The following NHSL1 variants were observed in gnomAD, a reference collection of about 807,000 sequenced individuals.
The protein encoded by NHSL1 is NHS-like protein 1.
NHSL1 carries 48 observed loss-of-function variants against 95.0 expected under a neutral mutation model. That is an observed-to-expected ratio of 0.51 (90% confidence interval 0.40 to 0.64). NHSL1 has a LOEUF of 0.64. Among genes scored for constraint, NHSL1 ranks in the 30% least tolerant of loss-of-function variants. The pLI, the probability that NHSL1 is intolerant of heterozygous loss-of-function variation, is 0.00. For synonymous variants in NHSL1, 783 were observed against 833.9 expected (o/e 0.94, Z 1.05); for missense variants, 1,971 against 2,077.7 (o/e 0.95, Z 1.00).
At chr6:138,488,443 T>C (rs1003700109) in intron 2 of NHSL1, among the ~76,000 whole-genome samples, 8 of 152,226 alleles carry the variant, frequency 5.3e-5, no homozygotes, top group Non-Finnish European at 1.0e-4. Flanking sequence ...TGTTTATCTT[T>C]CCTTCCCTTG....
At chr6:138,576,596 T>C (rs746356393), upstream of NHSL1, among the ~76,000 whole-genome samples, 6 of 152,156 alleles carry the variant, frequency 3.9e-5, no homozygotes, top group Non-Finnish European at 8.8e-5. Flanking sequence ...AGGAATCACA[T>C]AAACAGGCTT....
chr6:138,478,810 C>A (rs1173868294), intron 2 of NHSL1, among the ~76,000 whole-genome samples: 1 of 152,192 alleles, frequency 6.6e-6, no homozygotes, highest in African/African-American at 2.4e-5. Context: ...TTGGTTGTGT[C>A]CTCTAGTTTC....
intron 1 of NHSL1, among the ~76,000 whole-genome samples, chr6:138,684,664 C>T (rs1399516288): frequency 6.7e-6 from 1 of 149,238 alleles, no homozygotes; most frequent in Admixed American, 6.8e-5. Flanking sequence ...AACAAACAAA[C>T]AAACAAACAT....
rs771089829 is a variant in NHSL1 at position 138,424,430 on chromosome 6, G to A, written c.4472C>T (p.Ser1491Phe). 1 of 1,550,606 alleles carries A rather than the reference G, an allele frequency of 6.4e-7. No individual in the cohort carries two copies. Among genetic ancestry groups the A allele is most frequent in the African/African-American group, 1.4e-5 (1 of 73,124 alleles). ...KNEGLMPRSL[S>F]FSGPRYGRSR... ...GCGGCCGTACCTGGGGCCGGAAAAG[G>A]ACAGACTCCGAGGCATCAAGCCTTC... Residue 1491 changes from serine (S) to phenylalanine (F), a missense_variant, in exon 8 of 8, where the codon TCC becomes TTC. By Grantham distance (155) the Ser-to-Phe change is radical. Coordinates refer to ENST00000343505, the MANE Select transcript of NHSL1 (RefSeq NM_001144060.2). This position sits in a 1 kb window ranked among gnomAD's most constrained non-coding sequence, Gnocchi z 5.9.
chr6:138,650,366 C>A lies in NHSL1; in HGVS notation c.96+42110G>T. 3.8e-6 allele frequency: 5 copies of A among 1,306,038 alleles called. No individual in the cohort carries two copies. In the South Asian group the frequency reaches 4.7e-5, roughly 12 times the overall value. The allele number at this position is 1,306,038 out of a possible 1,614,324, so 80.9% of individuals were successfully genotyped here. On this transcript the variant is annotated intron_variant, in intron 1 of 3. Transcript: ENST00000491526. ...AGTAACGGGGGAGCCCAGCCTGCAGCCCACAGTTGTTCACAGCCATGAGGT... is the reference window on the plus strand; with the variant it reads ...AGTAACGGGGGAGCCCAGCCTGCAGACCACAGTTGTTCACAGCCATGAGGT...
At chr6:138,461,838 T>C (rs1044783578) in intron 3 of NHSL1, among the ~76,000 whole-genome samples, 1 of 152,210 alleles carries the variant, frequency 6.6e-6, no homozygotes, top group African/African-American at 2.4e-5. Flanking sequence ...TGTATAATGA[T>C]GGTTATGATG....
intron 1 of NHSL1, among the ~76,000 whole-genome samples, chr6:138,664,581 A>G (rs1364222077): frequency 6.6e-6 from 1 of 152,206 alleles, no homozygotes. Context: ...AATAGAAAAC[A>G]CAATGTTGAC....
intron 1 of NHSL1, among the ~76,000 whole-genome samples, chr6:138,667,745 T>C (rs1413607403): frequency 6.6e-6 from 1 of 152,270 alleles, no homozygotes; most frequent in Non-Finnish European, 1.5e-5. Flanking sequence ...TTCATTATCT[T>C]CTCTTCTTTC....
intron 1 of NHSL1, among the ~76,000 whole-genome samples, chr6:138,497,740 G>A (rs1244070292): frequency 6.6e-6 from 1 of 152,160 alleles, no homozygotes; most frequent in Non-Finnish European, 1.5e-5. Context: ...AACTGTCACT[G>A]TCTCTTGTAA....
intron 1 of NHSL1, among the ~76,000 whole-genome samples, chr6:138,525,769 T>C (rs1781879084): frequency 6.6e-6 from 1 of 151,976 alleles, no homozygotes; most frequent in African/African-American, 2.4e-5. Context: ...TGGGATCTGA[T>C]AAGGAAGGCT....
intron 1 of NHSL1, among the ~76,000 whole-genome samples, chr6:138,682,637 G>A (rs183059943): frequency 0.027 from 713 of 26,568 alleles, 2 homozygotes; most frequent in South Asian, 0.092. Context: ...TACAGTTCAG[G>A]AATGGATGAA....
intron 1 of NHSL1, among the ~76,000 whole-genome samples, chr6:138,685,993 CAG>C (rs1785580203): frequency 6.6e-6 from 1 of 151,958 alleles, no homozygotes; most frequent in South Asian, 2.1e-4. Context: ...CTCATAGAAG[CAG>C]AGAGTACAAT....
At chr6:138,614,190 G>A (rs933823919) in intron 1 of NHSL1, among the ~76,000 whole-genome samples, 7 of 152,178 alleles carry the variant, frequency 4.6e-5, no homozygotes, top group African/African-American at 1.4e-4. Context: ...AGGCTCTCAG[G>A]AAATCTCTTT....
chr6:138,644,483 A>G (rs574905182), intron 1 of NHSL1, among the ~76,000 whole-genome samples: 9 of 152,264 alleles, frequency 5.9e-5, no homozygotes, highest in South Asian at 2.1e-4. Context: ...AGCCTGGGCA[A>G]CAGAGCGAGA....
At chr6:138,648,671 C>A (rs1028331090) in intron 1 of NHSL1, among the ~76,000 whole-genome samples, 2 of 152,186 alleles carry the variant, frequency 1.3e-5, no homozygotes, top group African/African-American at 2.4e-5. Context: ...CAGACTTATG[C>A]CACACACAGA....
chr6:138,443,778 C>T (rs9495084), intron 4 of NHSL1, among the ~76,000 whole-genome samples: 4,237 of 152,200 alleles, frequency 0.028, 171 homozygotes, highest in African/African-American at 0.091. Context: ...TGCAGTGAGC[C>T]GAGATTGCGC....
chr6:138,542,004 G>A (rs548998775), intron 1 of NHSL1, among the ~76,000 whole-genome samples: 31 of 152,268 alleles, frequency 2.0e-4, no homozygotes, highest in South Asian at 6.2e-4. Flanking sequence ...AATCATGTCC[G>A]CTCACAACCC....
intron 3 of NHSL1, among the ~76,000 whole-genome samples, chr6:138,454,251 T>C (rs1414439089): frequency 6.6e-6 from 1 of 152,212 alleles, no homozygotes; most frequent in Non-Finnish European, 1.5e-5. Context: ...AGTATTATTC[T>C]CTTTGTGTTT....
upstream of NHSL1, among the ~76,000 whole-genome samples, chr6:138,501,842 T>C (rs1474016481): frequency 6.6e-6 from 1 of 152,238 alleles, no homozygotes; most frequent in Non-Finnish European, 1.5e-5. Context: ...CATCTTCCCA[T>C]ATACTTTAAA....
Sources: allele counts gnomAD v4.1 joint callset (sites outside exome capture counted in the v4.1 genomes callset), GRCh38; gene constraint gnomAD v4.1.1; non-coding constraint Gnocchi (gnomAD v3.1); transcripts MANE v1.5; gene names NCBI Gene and HGNC (gene_info 2026-07-23, HGNC 2026-07-21).